MARK1: variants seen among roughly 807,000 people sequenced by gnomAD.
The protein encoded by MARK1 is serine/threonine-protein kinase MARK1.
MARK1 carries 40 observed loss-of-function variants against 96.3 expected under a neutral mutation model. That is an observed-to-expected ratio of 0.42 (90% CI 0.32 to 0.54). The LOEUF (loss-of-function observed/expected upper bound fraction) is 0.54. Among genes scored for constraint, MARK1 ranks in the 20% least tolerant of loss-of-function variants. MARK1 has a pLI of 0.16. For synonymous variants in MARK1, 317 were observed against 341.2 expected, an observed-to-expected ratio of 0.93 and a Z score of 0.78; for missense variants, 719 against 984.6, an observed-to-expected ratio of 0.73 and a Z score of 3.61.
At chr1:220,537,187 A>C (rs943905407) in intron 1 of MARK1, among the ~76,000 whole-genome samples, 2 of 146,556 alleles carry the variant, frequency 1.4e-5, no homozygotes, top group African/African-American at 5.0e-5. Flanking sequence ...TGCTGCACCC[A>C]TTAACTCTTC....
chr1:220,661,352 C>G (rs1484855451), intron 17 of MARK1, among the ~76,000 whole-genome samples: 1 of 152,112 alleles, frequency 6.6e-6, no homozygotes, highest in African/African-American at 2.4e-5. Context: ...CTTTCTCAAC[C>G]TTACCAGGTA....
At chr1:220,630,229 T>C (rs1042242725) in intron 9 of MARK1, among the ~76,000 whole-genome samples, 2 of 152,212 alleles carry the variant, frequency 1.3e-5, no homozygotes, top group African/African-American at 4.8e-5. Flanking sequence ...AGCATGCTTG[T>C]TGGCCACTTA....
At chr1:220,627,464 T>C (rs1277039448) in intron 9 of MARK1, 2 of 440,656 alleles carry the variant, frequency 4.5e-6, no homozygotes, top group African/African-American at 2.1e-5. Context: ...CCTCTCCAGC[T>C]CTGGCTTCTT....
intron 1 of MARK1, among the ~76,000 whole-genome samples, chr1:220,542,549 C>T (rs995825601): frequency 3.9e-5 from 6 of 152,178 alleles, no homozygotes; most frequent in African/African-American, 1.4e-4. Flanking sequence ...CTGCTGGGAA[C>T]CCCTACTGAC....
At chr1:220,648,974 A>T (rs990232739) in intron 13 of MARK1, among the ~76,000 whole-genome samples, 3 of 152,206 alleles carry the variant, frequency 2.0e-5, no homozygotes, top group African/African-American at 7.2e-5. Flanking sequence ...AAAAATTAGG[A>T]ATTTATTGAT....
At chr1:220,541,342 C>T (rs1337272590) in intron 1 of MARK1, among the ~76,000 whole-genome samples, 1 of 152,048 alleles carries the variant, frequency 6.6e-6, no homozygotes, top group Non-Finnish European at 1.5e-5. Context: ...TGTTATCTGT[C>T]CTGGAGAATG....
intron 15 of MARK1, among the ~76,000 whole-genome samples, chr1:220,652,490 C>T (rs530680429): frequency 1.2e-4 from 18 of 152,208 alleles, no homozygotes; most frequent in Non-Finnish European, 2.1e-4. Context: ...TGAGTTGAGA[C>T]CCGCAGATAA....
intron 14 of MARK1, 40 bp from the exon 15 acceptor site, chr1:220,651,946 C>T: frequency 6.9e-7 from 1 of 1,452,806 alleles, no homozygotes; most frequent in Non-Finnish European, 9.2e-7. Flanking sequence ...AAATTTTCCT[C>T]TTTTTTTCCA....
chr1:220,618,591 T>C lies in MARK1; in HGVS notation c.789+45T>C. ...TTAATGTTTTATCCCCAAGTATGAT[T>C]ATGTCAAAAACCAGTTATAAGTGCT... On this transcript the variant is annotated intron_variant, in intron 8 of 17. Coordinates refer to ENST00000366917, the MANE Select transcript of MARK1 (RefSeq NM_018650.5). The surrounding 1 kb of genome is among the most constrained non-coding windows in gnomAD (Gnocchi z 4.6). 1 of 1,612,992 alleles carries C rather than the reference T, an allele frequency of 6.2e-7. No individual in the cohort carries two copies. The highest frequency in any genetic ancestry group is 8.5e-7 in the Non-Finnish European group (1 of 1,179,704).
chr1:220,625,984 A>G (rs1572196072), intron 9 of MARK1: 1 of 551,012 alleles, frequency 1.8e-6, no homozygotes, highest in East Asian at 4.7e-5. Context: ...CTCTTCAGAT[A>G]CATGTTCGAG....
intron 1 of MARK1, among the ~76,000 whole-genome samples, chr1:220,573,037 G>C (rs1266644743): frequency 6.6e-6 from 1 of 152,106 alleles, no homozygotes; most frequent in Non-Finnish European, 1.5e-5. Context: ...GTGTGAATGT[G>C]TCATTTTTCC....
At chr1:220,600,503 A>G (rs1357918827) in intron 5 of MARK1, among the ~76,000 whole-genome samples, 1 of 152,200 alleles carries the variant, frequency 6.6e-6, no homozygotes, top group Non-Finnish European at 1.5e-5. Context: ...AATCATCTTC[A>G]TCTCCTGCAC....
intron 9 of MARK1, among the ~76,000 whole-genome samples, chr1:220,623,054 T>G (rs982810905): frequency 3.3e-5 from 5 of 152,160 alleles, no homozygotes; most frequent in Non-Finnish European, 7.4e-5. Context: ...TTTGTTAATT[T>G]TGGAATTGTT....
At chr1:220,622,793 G>A (rs1315110997) in intron 9 of MARK1, among the ~76,000 whole-genome samples, 1 of 152,148 alleles carries the variant, frequency 6.6e-6, no homozygotes, top group African/African-American at 2.4e-5. Context: ...GCTGAAGCAC[G>A]AGGATTGCTT....
At chr1:220,609,008 G>A (rs1204823545) in intron 6 of MARK1, among the ~76,000 whole-genome samples, 2 of 152,208 alleles carry the variant, frequency 1.3e-5, no homozygotes, top group Non-Finnish European at 2.9e-5. Context: ...AGTGCAAAGT[G>A]ATGCTGAGAA....
chr1:220,631,211 T>G (rs1257254975), intron 10 of MARK1, 77 bp downstream of exon 10: 2 of 869,862 alleles, frequency 2.3e-6, no homozygotes, highest in Non-Finnish European at 1.8e-6. Context: ...AAATAGTGTT[T>G]AAGAGTATAA....
At chr1:220,541,895 T>C (rs1661173160) in intron 1 of MARK1, among the ~76,000 whole-genome samples, 1 of 152,258 alleles carries the variant, frequency 6.6e-6, no homozygotes, top group Admixed American at 6.5e-5. Context: ...CAATTAGTGA[T>C]AGGGAAGGAC....
At chr1:220,549,852 G>A (rs1266567451) in intron 1 of MARK1, among the ~76,000 whole-genome samples, 1 of 152,194 alleles carries the variant, frequency 6.6e-6, no homozygotes, top group Non-Finnish European at 1.5e-5. Flanking sequence ...CACCTGGTTG[G>A]ATGGTTGTTG....
intron 3 of MARK1, among the ~76,000 whole-genome samples, chr1:220,590,109 T>G (rs1236397345): frequency 2.0e-5 from 3 of 152,226 alleles, no homozygotes; most frequent in Non-Finnish European, 4.4e-5. Flanking sequence ...ATGCAGCTCA[T>G]GCAGAAAACT....
Sources: allele counts gnomAD v4.1 joint callset (sites outside exome capture counted in the v4.1 genomes callset), GRCh38; gene constraint gnomAD v4.1.1; non-coding constraint Gnocchi (gnomAD v3.1); transcripts MANE v1.5; gene names NCBI Gene and HGNC (gene_info 2026-07-23, HGNC 2026-07-21).